NAV3: variants seen among roughly 807,000 people sequenced by gnomAD.
NAV3 encodes the protein pore membrane and/or filament interacting like protein 1.
NAV3 carries 87 observed loss-of-function variants against 244.7 expected under a neutral mutation model. That is an observed-to-expected ratio of 0.36 (90% CI 0.30 to 0.42). The LOEUF (loss-of-function observed/expected upper bound fraction) is 0.42. NAV3 is among the 20% of genes least tolerant of loss of function. NAV3 has a pLI of 1.00. For synonymous variants in NAV3, 1,126 were observed against 1,042.2 expected, an observed-to-expected ratio of 1.08 and a Z score of -1.55; for missense variants, 2,663 against 2,893.3, an observed-to-expected ratio of 0.92 and a Z score of 1.83.
At position 77,810,332 on chromosome 12, in the gene NAV3, G is replaced by A. The variant is rs150722271; in HGVS notation, c.73-129987G>A. Among the ~76,000 whole-genome samples, 734 of 151,846 alleles carry A rather than the reference G, an allele frequency of 4.8e-3. 6 individuals carry two copies. The highest frequency in any genetic ancestry group is 6.9e-3 in the Admixed American group (105 of 15,254). On this transcript the variant is annotated intron_variant, in intron 2 of 8. Coordinates refer to the NAV3 transcript ENST00000550042. ...GACTACAGGCGCCCGCCACCACGCC[G>A]GGCTAATTTTTTGTATTTTTAGTAG...
At chr12:77,876,896 A>G (rs1881919281) in intron 1 of NAV3, among the ~76,000 whole-genome samples, 2 of 152,042 alleles carry the variant, frequency 1.3e-5, no homozygotes, top group African/African-American at 2.4e-5. Flanking sequence ...CTCTGTCAAA[A>G]TGAGTGTGAA....
At chr12:77,934,686 T>C (rs1001493838) in intron 1 of NAV3, among the ~76,000 whole-genome samples, 8 of 152,192 alleles carry the variant, frequency 5.3e-5, no homozygotes, top group African/African-American at 1.9e-4. Context: ...CCAGTTATTA[T>C]CATAGAAACC....
At chr12:77,677,382 G>C (rs1209964322) in intron 2 of NAV3, among the ~76,000 whole-genome samples, 1 of 152,198 alleles carries the variant, frequency 6.6e-6, no homozygotes, top group Non-Finnish European at 1.5e-5. Context: ...GGTAGGGATG[G>C]CTCCATGGAT....
chr12:77,603,724 T>C (rs1468612535), intron 2 of NAV3, among the ~76,000 whole-genome samples: 1 of 152,056 alleles, frequency 6.6e-6, no homozygotes, highest in African/African-American at 2.4e-5. Flanking sequence ...CCTTGAATTG[T>C]GGGTGGATCG....
chr12:78,133,239 G>A (rs1956238007), intron 18 of NAV3, among the ~76,000 whole-genome samples: 1 of 152,016 alleles, frequency 6.6e-6, no homozygotes. Flanking sequence ...TCTTTATGCT[G>A]TATGGTTTCA....
chr12:77,726,294 G>T (rs1310485106), intron 2 of NAV3, among the ~76,000 whole-genome samples: 2 of 151,888 alleles, frequency 1.3e-5, no homozygotes, highest in African/African-American at 4.8e-5. Flanking sequence ...CACAGCCACA[G>T]AACACTACAA....
intron 35 of NAV3, among the ~76,000 whole-genome samples, chr12:78,198,314 C>T (rs555776702): frequency 2.0e-5 from 3 of 151,814 alleles, no homozygotes; most frequent in Admixed American, 6.6e-5. Flanking sequence ...TGGGACAAAA[C>T]CCCTATGATT....
At chr12:77,580,308 A>G (rs1869301702) in intron 2 of NAV3, among the ~76,000 whole-genome samples, 1 of 151,596 alleles carries the variant, frequency 6.6e-6, no homozygotes, top group South Asian at 2.1e-4. Context: ...TCTCCACCCT[A>G]GCCCCAGGAC....
At chr12:78,027,939 A>G (rs1878349198) in intron 9 of NAV3, among the ~76,000 whole-genome samples, 2 of 150,658 alleles carry the variant, frequency 1.3e-5, no homozygotes, top group African/African-American at 2.5e-5. Context: ...GAAAAAAAGG[A>G]AGCGTTTTTT....
chr12:77,648,566 A>G (rs984011602), intron 2 of NAV3, among the ~76,000 whole-genome samples: 1 of 152,050 alleles, frequency 6.6e-6, no homozygotes, highest in Non-Finnish European at 1.5e-5. Context: ...ATGGCACAAC[A>G]CTCAGTGGAA....
At chr12:78,148,996 A>T (rs527492140) in intron 22 of NAV3, 77 bp downstream of exon 22, 19 of 1,264,272 alleles carry the variant, frequency 1.5e-5, no homozygotes, top group South Asian at 1.2e-4. Flanking sequence ...TAACAAACTT[A>T]CAAATTTTCA....
intron 5 of NAV3, among the ~76,000 whole-genome samples, chr12:77,974,037 A>G (rs1893241766): frequency 6.6e-6 from 1 of 151,972 alleles, no homozygotes. Context: ...ATATTAAGAG[A>G]AAGTTTGTGT....
At chr12:77,704,876 C>A (rs12321780) in intron 2 of NAV3, among the ~76,000 whole-genome samples, 7,185 of 152,270 alleles carry the variant, frequency 0.047, 414 homozygotes, top group African/African-American at 0.14. Flanking sequence ...TAGCTTCCCA[C>A]TTCACTGTGG....
chr12:78,151,821 A>G (rs1565727908), intron 22 of NAV3, among the ~76,000 whole-genome samples: 2 of 151,176 alleles, frequency 1.3e-5, no homozygotes, highest in African/African-American at 4.8e-5. Context: ...TGAAGGATAC[A>G]AGGGACCTCC....
chr12:77,839,403 T>G (rs1452645092), intron 1 of NAV3, among the ~76,000 whole-genome samples: 2 of 152,240 alleles, frequency 1.3e-5, no homozygotes, highest in Non-Finnish European at 2.9e-5. Context: ...TGTCAAGCTT[T>G]GCATTTGCTT....
intron 2 of NAV3, among the ~76,000 whole-genome samples, chr12:77,741,148 C>CAAAAAAAAAAAAAAAAAAAAAAAAA: frequency 7.1e-4 from 49 of 68,644 alleles, no homozygotes; most frequent in East Asian, 1.4e-3. Flanking sequence ...AAAAAAAAGA[C>CAAAAAAAAAAAAAAAAAAAAAAAAA]AAAAAAAAAA....
Position 77,780,376 on chromosome 12 carries a change from C to T in NAV3, c.73-159943C>T, listed in dbSNP as rs146643958. 7.6e-4 allele frequency among the ~76,000 whole-genome samples: 115 copies of T among 152,254 alleles called. 1 individual carries two copies. The highest frequency in any genetic ancestry group is 2.7e-3 in the African/African-American group (111 of 41,534). ...TAAAATCTTCTTATAAATCAACTTC[C>T]CATTATTTTGACTATTTCAAATTTC... On this transcript the variant is annotated intron_variant, in intron 2 of 8. Transcript: ENST00000550042.
intron 23 of NAV3, among the ~76,000 whole-genome samples, chr12:78,160,760 C>T (rs1241457339): frequency 3.9e-5 from 6 of 151,930 alleles, no homozygotes; most frequent in Admixed American, 6.6e-5. Context: ...ATACCCTGCC[C>T]GTGAGAGAGA....
chr12:78,094,918 G>A (rs1045913392), intron 12 of NAV3, among the ~76,000 whole-genome samples: 73 of 151,512 alleles, frequency 4.8e-4, no homozygotes, highest in South Asian at 4.2e-4. Context: ...GTGGTGGCAC[G>A]TGCCTGTAGT....
Sources: gnomAD v4.1 joint callset for allele counts (sites outside exome capture counted in the v4.1 genomes callset) on GRCh38, gnomAD v4.1.1 for gene constraint, MANE v1.5 for transcripts, NCBI Gene and HGNC (gene_info 2026-07-23, HGNC 2026-07-21) for gene names.